The following GRAMD4 variants were observed in gnomAD, a reference collection of about 807,000 sequenced individuals.
GRAMD4 encodes the protein GRAM domain-containing protein 4.
GRAMD4 carries 25 observed loss-of-function variants against 83.9 expected under a neutral mutation model. The observed-to-expected ratio is 0.30, with a 90% confidence interval of 0.22 to 0.42. The LOEUF is 0.42. Among genes scored for constraint, GRAMD4 ranks in the 10% least tolerant of loss-of-function variants. The probability of loss-of-function intolerance (pLI) is 1.00; values close to 1 mark genes in which losing one functional copy is unlikely to be tolerated. For synonymous variants in GRAMD4, 336 were observed against 320.9 expected, an observed-to-expected ratio of 1.05 and a Z score of -0.50; for missense variants, 593 against 788.7, an observed-to-expected ratio of 0.75 and a Z score of 2.97.
chr22:46,618,598 C>T (rs2081533865), upstream of GRAMD4, among the ~76,000 whole-genome samples: 1 of 152,134 alleles, frequency 6.6e-6, no homozygotes, highest in South Asian at 2.1e-4. The surrounding 1 kb of genome is among the most constrained non-coding windows in gnomAD (Gnocchi z 5.8). Flanking sequence ...AGAACTTTGG[C>T]AGGGGCGCTG....
chr22:46,681,384 A>G (rs1401075368), downstream of GRAMD4, among the ~76,000 whole-genome samples: 1 of 152,260 alleles, frequency 6.6e-6, no homozygotes, highest in African/African-American at 2.4e-5. Flanking sequence ...GTGCCTACAT[A>G]TACCTCTATC....
Position 46,679,178 on chromosome 22 carries a change from C to CCGGGGCCT in GRAMD4, c.*1935_*1942dup, listed in dbSNP as rs570698693. 6.2e-3 allele frequency: 6,139 copies of CCGGGGCCT among 985,538 alleles called. 23 individuals carry two copies. Among genetic ancestry groups the CCGGGGCCT allele is most frequent in the Non-Finnish European group, 7.1e-3 (5,881 of 829,992 alleles). 61.0% of individuals were successfully genotyped at this position (985,538 alleles called of 1,614,324 possible). On this transcript the variant is annotated 3_prime_UTR_variant, in exon 19 of 19. Transcript: ENST00000406902. ...GGCCCGGCAGTGCCCAAGGATGGGT[C>CCGGGGCCT]CGGGGCCTCGGGGCCAATGAGCGCC...
chr22:46,668,672 G>C lies in GRAMD4; in HGVS notation c.931-17G>C, dbSNP rs926484755. 2.5e-6 allele frequency: 4 copies of C among 1,611,394 alleles called. No individual in the cohort carries two copies. Among genetic ancestry groups the C allele is most frequent in the Non-Finnish European group, 8.5e-7 (1 of 1,179,000 alleles). The stretch of plus-strand genomic sequence containing the variant: ...AGGAGCGGGGGCTGTTGTAATTGCT[G>C]TTTCTCCTTCACACAGAACCTTTTC... On this transcript the variant is annotated splice_polypyrimidine_tract_variant and intron_variant, in intron 11 of 18. Transcript: ENST00000406902.
intron 1 of GRAMD4, among the ~76,000 whole-genome samples, chr22:46,613,002 A>T (rs1696425888): frequency 6.6e-6 from 1 of 152,186 alleles, no homozygotes; most frequent in African/African-American, 2.4e-5. Flanking sequence ...GCTCGTAGTG[A>T]CTAGCAGCGT....
intron 15 of GRAMD4, among the ~76,000 whole-genome samples, chr22:46,674,355 G>A (rs915335204): frequency 1.3e-5 from 2 of 152,154 alleles, no homozygotes; most frequent in South Asian, 2.1e-4. Context: ...GTGTCCCAGC[G>A]CCCTGACCCT....
Position 46,660,715 on chromosome 22 carries a change from C to T in GRAMD4, c.405-666C>T, listed in dbSNP as rs149831362. Among the ~76,000 whole-genome samples the T allele has an allele frequency of 1.9e-3, 296 of 152,294 alleles. 1 individual carries two copies. The highest frequency in any genetic ancestry group is 6.7e-3 in the African/African-American group (278 of 41,558). On this transcript the variant is annotated intron_variant, in intron 4 of 18. Transcript: ENST00000406902. ...CTGCCCGCTGCTTACCTGGCCGTGC[C>T]CTGTGTGCCCTGTGCTCCGCCCTCT...
chr22:46,628,298 A>G (rs1269421937), intron 2 of GRAMD4, among the ~76,000 whole-genome samples: 1 of 152,184 alleles, frequency 6.6e-6, no homozygotes, highest in East Asian at 1.9e-4. Flanking sequence ...GGACCCTGTG[A>G]GTACCTGTCC....
At position 46,676,687 on chromosome 22, in the gene GRAMD4, G is replaced by A. The variant is rs977881162; in HGVS notation, c.1632+19G>A. ...CCAGAAAGTAGGTGCCGGGCGGGGG[G>A]CCGCCAAGGGGTTGGTGTGGGCCCA... is the stretch of plus-strand genomic sequence containing the variant. On this transcript the variant is annotated intron_variant, in intron 18 of 18. Coordinates refer to ENST00000406902, the MANE Select transcript of GRAMD4 (RefSeq NM_015124.5). 4.5e-6 allele frequency: 7 copies of A among 1,545,678 alleles called. No individual in the cohort carries two copies. Among genetic ancestry groups the A allele is most frequent in the African/African-American group, 2.7e-5 (2 of 72,990 alleles).
At position 46,679,468 on chromosome 22, in the gene GRAMD4, CG is replaced by C. The variant is rs1159186027; in HGVS notation, c.*2220del. ...CTCGGGAGCGGAGCGCGGATCGGCA[CG>C]GGCTCTGGGCTCCCCGTGGAGAGAA... is the stretch of plus-strand genomic sequence containing the variant. On this transcript the variant is annotated 3_prime_UTR_variant, in exon 19 of 19. Coordinates refer to ENST00000406902, the MANE Select transcript of GRAMD4 (RefSeq NM_015124.5). The C allele has an allele frequency of 6.1e-6, 6 of 985,392 alleles. No individual in the cohort carries two copies. The African/African-American group carries it at 8.7e-5, about 14-fold the overall frequency. The allele number at this position is 985,392 out of a possible 1,614,324, so 61.0% of individuals were successfully genotyped here.
rs188439208 is a variant in GRAMD4 at position 46,649,368 on chromosome 22, C to T, written c.284-8819C>T. Among the ~76,000 whole-genome samples the T allele has an allele frequency of 8.5e-5, 13 of 152,284 alleles. 1 individual carries two copies. The highest frequency in any genetic ancestry group is 4.1e-4 in the South Asian group (2 of 4,822). ...GGGATGGCACGTGCTGTCGAGCACA[C>T]GACTCTCCTGGCTCCGTGCTGGGCC... On this transcript the variant is annotated intron_variant, in intron 3 of 18. Transcript: ENST00000406902.
chr22:46,613,541 GGT>G (rs2081438878), intron 1 of GRAMD4, among the ~76,000 whole-genome samples: 1 of 152,250 alleles, frequency 6.6e-6, no homozygotes, highest in African/African-American at 2.4e-5. Context: ...CTCCAGGCAG[GGT>G]GATGTGATTG....
At chr22:46,585,475 C>T (rs2081140619) in intron 1 of GRAMD4, among the ~76,000 whole-genome samples, 1 of 152,194 alleles carries the variant, frequency 6.6e-6, no homozygotes, top group Non-Finnish European at 1.5e-5. Context: ...TAGGCGTGAG[C>T]CACCGCGCCC....
chr22:46,658,714 G>A (rs1034485173), intron 4 of GRAMD4, among the ~76,000 whole-genome samples: 3 of 151,756 alleles, frequency 2.0e-5, no homozygotes, highest in Non-Finnish European at 2.9e-5. Flanking sequence ...GGGCCAGCCC[G>A]GCCTCTTAGG....
intron 1 of GRAMD4, 105 bp from the exon 2 acceptor site, chr22:46,626,646 G>C (rs542967928): frequency 1.5e-6 from 1 of 663,856 alleles, no homozygotes; most frequent in South Asian, 1.9e-5. Context: ...TCTCTGGGTC[G>C]GGGTTTTCTT....
intron 14 of GRAMD4, 41 bp downstream of exon 14, chr22:46,673,038 G>GATGGGGT (rs2082536292): frequency 2.0e-6 from 3 of 1,509,326 alleles, no homozygotes; most frequent in Admixed American, 2.1e-5. Flanking sequence ...GGGATGGGGG[G>GATGGGGT]CCACGAAGCC....
chr22:46,669,577 CTCTTT>C (rs2082467865), intron 13 of GRAMD4, among the ~76,000 whole-genome samples: 1 of 150,596 alleles, frequency 6.6e-6, no homozygotes. Context: ...CTCTCTCTCT[CTCTTT>C]TTTTTTTTTT....
intron 1 of GRAMD4, among the ~76,000 whole-genome samples, chr22:46,584,831 G>A (rs1286154603): frequency 3.9e-5 from 6 of 152,204 alleles, no homozygotes; most frequent in East Asian, 1.9e-4. Context: ...GCTTTGAGAC[G>A]TGAAAGTGGG....
At chr22:46,676,487 G>A (rs1055198193) in intron 17 of GRAMD4, 113 bp from the exon 18 acceptor site, 10 of 860,756 alleles carry the variant, frequency 1.2e-5, no homozygotes, top group South Asian at 4.6e-5. Flanking sequence ...CCAGGTGCCC[G>A]TGGGCCCTGC....
intron 3 of GRAMD4, among the ~76,000 whole-genome samples, chr22:46,653,980 C>T (rs1224622713): frequency 2.0e-5 from 3 of 152,228 alleles, no homozygotes; most frequent in Admixed American, 2.0e-4. Context: ...TCTGAACCCT[C>T]CCCAGCTGGC....
Sources: allele counts gnomAD v4.1 joint callset (sites outside exome capture counted in the v4.1 genomes callset), GRCh38; gene constraint gnomAD v4.1.1; non-coding constraint Gnocchi (gnomAD v3.1); transcripts MANE v1.5; gene names NCBI Gene and HGNC (gene_info 2026-07-23, HGNC 2026-07-21).